DOK6: variants seen among roughly 807,000 people sequenced by gnomAD.
The protein encoded by DOK6 is downstream of tyrosine kinase 6.
DOK6 carries 22 observed loss-of-function variants against 44.0 expected under a neutral mutation model. That is an observed-to-expected ratio of 0.50 (90% CI 0.36 to 0.71). DOK6 has a LOEUF of 0.71. DOK6 is among the 30% of genes least tolerant of loss of function. The pLI, the probability that DOK6 is intolerant of heterozygous loss-of-function variation, is 0.00. For synonymous variants in DOK6, 166 were observed against 145.5 expected (o/e 1.14, Z -1.01); for missense variants, 340 against 416.4 (o/e 0.82, Z 1.60).
In DOK6 at chr18:69,545,106, C is replaced by T. The variant is rs1283221961; in HGVS notation, c.67-19381C>T. On this transcript the variant is annotated intron_variant, in intron 1 of 7. Transcript: ENST00000382713. ...CTGCACTCCAGCCTGGGTGACAGAG[C>T]GAGACACCATAAAAAAAAAAAAATT... is the stretch of plus-strand genomic sequence containing the variant. Among the ~76,000 whole-genome samples, 3 of 92,990 alleles carry T rather than the reference C, an allele frequency of 3.2e-5. No homozygotes were observed. The South Asian group carries it at 1.5e-3, about 47-fold the overall frequency. The allele number at this position is 92,990 out of a possible 152,430, so 61.0% of individuals were successfully genotyped here. A position where few individuals can be genotyped will look rare whatever the true frequency, so the allele number is the denominator to read the frequency against.
At chr18:69,608,040 AGACTT>A (rs1199443329) in intron 3 of DOK6, among the ~76,000 whole-genome samples, 1 of 152,238 alleles carries the variant, frequency 6.6e-6, no homozygotes, top group Non-Finnish European at 1.5e-5. Flanking sequence ...TTTTTTAAGA[AGACTT>A]AAATTATAAA....
At chr18:69,590,348 G>A (rs1184794408) in intron 2 of DOK6, among the ~76,000 whole-genome samples, 2 of 152,128 alleles carry the variant, frequency 1.3e-5, no homozygotes, top group Non-Finnish European at 1.5e-5. Flanking sequence ...AATGAATTAT[G>A]AACTCTGTAT....
intron 2 of DOK6, among the ~76,000 whole-genome samples, chr18:69,598,798 G>T (rs531148174): frequency 8.5e-5 from 13 of 152,058 alleles, no homozygotes; most frequent in African/African-American, 2.9e-4. Flanking sequence ...ATAAATTGTT[G>T]TTAACCTGGG....
intron 7 of DOK6, among the ~76,000 whole-genome samples, chr18:69,830,288 C>T (rs1193364280): frequency 1.3e-5 from 2 of 152,048 alleles, no homozygotes; most frequent in East Asian, 1.9e-4. Context: ...GACTTTATCC[C>T]CCCAAAAATA....
At chr18:69,428,058 G>A (rs975566176) in intron 1 of DOK6, among the ~76,000 whole-genome samples, 6 of 152,150 alleles carry the variant, frequency 3.9e-5, no homozygotes, top group African/African-American at 9.7e-5. Flanking sequence ...GATTACAGGC[G>A]TGAGCCATCC....
chr18:69,484,297 A>G (rs114565308), intron 1 of DOK6, among the ~76,000 whole-genome samples: 178 of 150,726 alleles, frequency 1.2e-3, no homozygotes, highest in African/African-American at 4.1e-3. Context: ...TAAGTAACTA[A>G]GATACTTATT....
At chr18:69,746,306 GC>G (rs1360295627) in intron 6 of DOK6, among the ~76,000 whole-genome samples, 1 of 151,948 alleles carries the variant, frequency 6.6e-6, no homozygotes, top group African/African-American at 2.4e-5. Context: ...TCTCACTGTT[GC>G]CCAGGATGGA....
chr18:69,681,999 G>C (rs1986056518), intron 4 of DOK6, among the ~76,000 whole-genome samples: 1 of 152,174 alleles, frequency 6.6e-6, no homozygotes, highest in African/African-American at 2.4e-5. Context: ...CTTTCTCTGG[G>C]ACCCAGTGTC....
intron 2 of DOK6, among the ~76,000 whole-genome samples, chr18:69,572,936 A>G (rs1983149974): frequency 1.3e-5 from 2 of 151,820 alleles, no homozygotes; most frequent in South Asian, 4.2e-4. Context: ...GCTACTTAGA[A>G]AATGTTTTCA....
rs148663946 is a variant in DOK6 at position 69,784,317 on chromosome 18, C to T, written c.856+26444C>T. On this transcript the variant is annotated intron_variant, in intron 7 of 7. Coordinates refer to ENST00000382713, the MANE Select transcript of DOK6 (RefSeq NM_152721.6). Reference sequence around the variant, plus strand: ...TAATAATATTTGTATTCTAAAGTAACAATCCCATAATTCTTAGGCAGGAAA... The same window carrying T: ...TAATAATATTTGTATTCTAAAGTAATAATCCCATAATTCTTAGGCAGGAAA... Among the ~76,000 whole-genome samples, 310 of 151,998 alleles carry T rather than the reference C, an allele frequency of 2.0e-3. 1 individual carries two copies. The highest frequency in any genetic ancestry group is 7.2e-3 in the African/African-American group (299 of 41,482).
chr18:69,674,725 T>G, intron 3 of DOK6, among the ~76,000 whole-genome samples: 1 of 152,044 alleles, frequency 6.6e-6, no homozygotes, highest in Non-Finnish European at 1.5e-5. Context: ...ATACTTTCAC[T>G]CTGCTGAGCC....
At chr18:69,433,004 T>C (rs1224735835) in intron 1 of DOK6, among the ~76,000 whole-genome samples, 2 of 152,150 alleles carry the variant, frequency 1.3e-5, no homozygotes, top group African/African-American at 4.8e-5. Context: ...AGCACAGTGA[T>C]TTATTTGTTT....
chr18:69,569,337 A>T (rs1470331682), intron 2 of DOK6, among the ~76,000 whole-genome samples: 1 of 152,230 alleles, frequency 6.6e-6, no homozygotes, highest in African/African-American at 2.4e-5. Flanking sequence ...AAGCTTAAGC[A>T]TCTCACTGAA....
chr18:69,502,596 G>A (rs1050251765), intron 1 of DOK6, among the ~76,000 whole-genome samples: 2 of 152,012 alleles, frequency 1.3e-5, no homozygotes, highest in South Asian at 4.1e-4. Flanking sequence ...TATCAACCAC[G>A]TGAAATTCTG....
intron 4 of DOK6, among the ~76,000 whole-genome samples, chr18:69,694,356 G>A (rs1238343281): frequency 6.6e-6 from 1 of 151,562 alleles, no homozygotes; most frequent in Non-Finnish European, 1.5e-5. Context: ...TCATCATTCA[G>A]CCCTAGTGAA....
At chr18:69,562,903 T>A (rs900597983) in intron 1 of DOK6, among the ~76,000 whole-genome samples, 1 of 152,160 alleles carries the variant, frequency 6.6e-6, no homozygotes, top group African/African-American at 2.4e-5. Context: ...TCTACTTATC[T>A]GACAAAGGGC....
intron 3 of DOK6, among the ~76,000 whole-genome samples, chr18:69,654,743 G>GT (rs1437883283): frequency 2.0e-5 from 3 of 152,140 alleles, no homozygotes; most frequent in African/African-American, 7.2e-5. Context: ...AGATTAAACC[G>GT]TTTTGTTGAG....
chr18:69,604,993 A>G (rs77339310), intron 3 of DOK6, among the ~76,000 whole-genome samples: 4,545 of 151,922 alleles, frequency 0.03, 92 homozygotes, highest in East Asian at 0.12. Context: ...CTTGTCAGAG[A>G]GAGTATCTGC....
intron 5 of DOK6, among the ~76,000 whole-genome samples, chr18:69,723,576 G>C (rs1229276997): frequency 6.6e-6 from 1 of 152,212 alleles, no homozygotes; most frequent in African/African-American, 2.4e-5. Flanking sequence ...AACACCATTG[G>C]GGAAGGTGGC....
Sources: gnomAD v4.1 joint callset for allele counts (sites outside exome capture counted in the v4.1 genomes callset) on GRCh38, gnomAD v4.1.1 for gene constraint, MANE v1.5 for transcripts, NCBI Gene and HGNC (gene_info 2026-07-23, HGNC 2026-07-21) for gene names.